CATSPERG: variants seen among roughly 807,000 people sequenced by gnomAD.
The protein encoded by CATSPERG is catsper channel auxiliary subunit gamma.
In CATSPERG, 115 loss-of-function variants were observed where a neutral mutation model predicts 145.0. That is an observed-to-expected ratio of 0.79 (90% CI 0.68 to 0.93). The LOEUF (loss-of-function observed/expected upper bound fraction) is 0.93, where lower values mean the gene tolerates loss of function less well. Ranked by LOEUF, CATSPERG falls within the 40% of genes least tolerant of loss-of-function variation. The probability of loss-of-function intolerance (pLI) is 0.00; values close to 1 mark genes in which losing one functional copy is unlikely to be tolerated. For missense variants in CATSPERG, 1,296 were observed against 1,490.1 expected (o/e 0.87, Z 2.14); for synonymous variants, 588 against 589.0 (o/e 1.00, Z 0.02).
rs1270341841 is a variant in CATSPERG, at chr19:38,360,489, A to C, written c.1609A>C (p.Ile537Leu). 1.9e-6 allele frequency: 3 copies of C among 1,614,008 alleles called. No homozygotes were observed. The highest frequency in any genetic ancestry group is 2.2e-5 in the South Asian group (2 of 91,084). The change falls in exon 15 of 29, where the codon ATC becomes CTC. Residue 537 changes from isoleucine to leucine, a missense_variant and splice_region_variant. By Grantham distance (5) the Ile-to-Leu change is conservative. Transcript: ENST00000409235. ...ACACATCCGGCTGTCATACCCGCAG[A>C]TCTGGTACCTCCTGGAGGGCAGCTA... ...AVAIVTETEE[I>L]WYLLEGSYRV...
chr19:38,352,507 C>T (rs1476846655), intron 8 of CATSPERG, 75 bp downstream of exon 8: 4 of 1,339,016 alleles, frequency 3.0e-6, no homozygotes, highest in Admixed American at 2.1e-5. Flanking sequence ...TGGCTGGGGG[C>T]TGGAATTGCT....
In CATSPERG at chr19:38,361,663, C is replaced by T. The variant is rs773329330; in HGVS notation, c.1896C>T (p.Leu632=). 6.8e-6 allele frequency: 11 copies of T among 1,610,870 alleles called. No homozygotes were observed. The highest frequency in any genetic ancestry group is 9.3e-6 in the Non-Finnish European group (11 of 1,179,832). ...DLERKGGYLM[L]SFIDFCPFSV... is the part of the protein sequence containing the mutation. The stretch of plus-strand genomic sequence containing the variant: ...CACTGCCCAGGGGCTACTTGATGCT[C>T]TCCTTCATCGACTTCTGCCCCTTCT... Residue 632 remains leucine (L), a synonymous_variant, in exon 17 of 29, where the codon CTC becomes CTT. Coordinates refer to ENST00000409235, the MANE Select transcript of CATSPERG (RefSeq NM_021185.5).
Position 38,364,929 on chromosome 19 carries a change from C to T in CATSPERG, c.2514C>T (p.Gly838=), listed in dbSNP as rs1296932377. 1 of 1,614,002 alleles carries T rather than the reference C, an allele frequency of 6.2e-7. No individual in the cohort carries two copies. Among genetic ancestry groups the T allele is most frequent in the African/African-American group, 1.3e-5 (1 of 74,930 alleles). ...LKDKKLCYDQ[G]ISGHHLMETS... ...ATAAAAAGCTTTGCTATGACCAAGG[C>T]ATTAGTGGACATCACCTTATGGAGA... The change falls in exon 21 of 29, where the codon GGC becomes GGT. Residue 838 remains glycine, a synonymous_variant. Transcript: ENST00000409235.
chr19:38,367,439 C>A (rs886754493), intron 23 of CATSPERG, 70 bp from the exon 24 acceptor site: 36 of 1,567,748 alleles, frequency 2.3e-5, no homozygotes, highest in Non-Finnish European at 3.1e-5. Context: ...CACTTTCCCC[C>A]GTCTCGGTCC....
intron 9 of CATSPERG, among the ~76,000 whole-genome samples, chr19:38,355,944 C>A (rs917806231): frequency 6.6e-6 from 1 of 152,066 alleles, no homozygotes; most frequent in African/African-American, 2.4e-5. Flanking sequence ...TCTCTGATCT[C>A]GTTTTCTTCA....
intron 14 of CATSPERG, chr19:38,360,007 A>G: frequency 9.6e-7 from 1 of 1,036,510 alleles, no homozygotes; most frequent in Middle Eastern, 4.9e-4. Flanking sequence ...GGAGGGGGAC[A>G]TCTTGGAGGC....
At chr19:38,362,641 G>A (rs1361922358) in intron 19 of CATSPERG, 67 bp downstream of exon 19, 3 of 1,606,624 alleles carry the variant, frequency 1.9e-6, no homozygotes, top group African/African-American at 1.3e-5. Flanking sequence ...GGAGCCTGGG[G>A]GGCGGGGACA....
intron 3 of CATSPERG, among the ~76,000 whole-genome samples, chr19:38,342,818 C>A (rs1014416366): frequency 5.9e-5 from 9 of 152,014 alleles, no homozygotes; most frequent in African/African-American, 2.2e-4. Context: ...AAACATCCTT[C>A]TCCTCTTCTC....
At chr19:38,360,881 T>C (rs756117418) in intron 16 of CATSPERG, 38 bp downstream of exon 16, 2 of 1,501,500 alleles carry the variant, frequency 1.3e-6, no homozygotes, top group East Asian at 4.7e-5. Context: ...GTCTGAGGGC[T>C]CCCGGCACTG....
rs778360830 is a variant in CATSPERG at position 38,370,035 on chromosome 19, A to G, written c.3084A>G (p.Glu1028=). The G allele has an allele frequency of 6.2e-7, 1 of 1,614,186 alleles. No individual in the cohort carries two copies. Among genetic ancestry groups the G allele is most frequent in the Non-Finnish European group, 8.5e-7 (1 of 1,180,042 alleles). ...TTCCCCAAGGCATCTTTGCCCCTGA[A>G]TTCTTCTTCAAGGTGTTGGTGAGCA... The part of the protein sequence containing the change: ...DNVPQGIFAP[E]FFFKVLVSNR... The change falls in exon 27 of 29, where the codon GAA becomes GAG. Residue 1028 remains glutamate (E), a synonymous_variant. Coordinates refer to ENST00000409235, the MANE Select transcript of CATSPERG (RefSeq NM_021185.5).
chr19:38,339,209 A>T (rs1046362946), intron 3 of CATSPERG, among the ~76,000 whole-genome samples: 4 of 152,128 alleles, frequency 2.6e-5, no homozygotes, highest in African/African-American at 4.8e-5. Flanking sequence ...TGCTTGAGAT[A>T]ATGGAGAGCA....
Position 38,361,881 on chromosome 19 carries a change from C to A in CATSPERG, c.2094+20C>A, listed in dbSNP as rs762766951. The A allele has an allele frequency of 9.7e-6, 15 of 1,551,730 alleles. No homozygotes were observed. In the African/African-American group the frequency reaches 2.1e-4, roughly 21 times the overall value. ...GACAAGGTGGGCGTCCGGCGGCGGG[C>A]GGGCAGGCCTGAGACGGGACTGGGG... On this transcript the variant is annotated intron_variant, in intron 17 of 28. Transcript: ENST00000409235.
chr19:38,369,255 TTTTTTA>T (rs1242419608), intron 26 of CATSPERG, among the ~76,000 whole-genome samples: 3 of 152,130 alleles, frequency 2.0e-5, no homozygotes, highest in Non-Finnish European at 4.4e-5. Flanking sequence ...ACCTGCTTTA[TTTTTTA>T]TTTTTATTTA....
In CATSPERG at chr19:38,346,463, T is replaced by C; in HGVS notation, c.683T>C (p.Met228Thr). Reference protein sequence around the residue: ...FTVGEELFNLMPQYFVGVSSR... With the variant: ...FTVGEELFNLTPQYFVGVSSR... ...CCTCCTTGGCAGCTCTTCAACCTGA[T>C]GCCCCAGTACTTTGTGGGTGTCTCA... The change falls in exon 7 of 29, where the codon ATG (methionine) becomes ACG (threonine). Residue 228 changes from methionine to threonine, a missense_variant. Physicochemically the swap from Met to Thr is moderately conservative, Grantham distance 81. Transcript: ENST00000409235. 1 of 1,541,076 alleles carries C rather than the reference T, an allele frequency of 6.5e-7. No homozygotes were observed. The highest frequency in any genetic ancestry group is 8.8e-7 in the Non-Finnish European group (1 of 1,138,616).
At chr19:38,370,113 T>C (rs753778120) in intron 27 of CATSPERG, 46 bp from the exon 28 acceptor site, 4 of 1,613,518 alleles carry the variant, frequency 2.5e-6, no homozygotes, top group Non-Finnish European at 3.4e-6. Flanking sequence ...GCCCATGGAA[T>C]GCCTGGCTTC....
Position 38,344,665 on chromosome 19 carries a change from A to G in CATSPERG, c.669+297A>G, listed in dbSNP as rs936408195. Among the ~76,000 whole-genome samples the G allele has an allele frequency of 2.7e-5, 4 of 148,700 alleles. No individual in the cohort carries two copies. The Admixed American group carries it at 2.7e-4, about 10-fold the overall frequency. ...CTCCTATACACACCTGTACATCCAT[A>G]CCTGTACATACATATATAGTACATA... On this transcript the variant is annotated intron_variant, in intron 6 of 28. Coordinates refer to ENST00000409235, the MANE Select transcript of CATSPERG (RefSeq NM_021185.5).
intron 3 of CATSPERG, among the ~76,000 whole-genome samples, chr19:38,341,770 C>T (rs141150988): frequency 0.011 from 1,689 of 152,132 alleles, 15 homozygotes; most frequent in Middle Eastern, 0.02. Flanking sequence ...GGCGTGGTGG[C>T]GCATGCCTGT....
At position 38,344,035 on chromosome 19, in the gene CATSPERG, C is replaced by T. The variant is rs1180182546; in HGVS notation, c.512C>T (p.Thr171Met). Reference sequence around the variant, plus strand: ...GAAGTGTGTAGCATGAGCTGGTACACGCCCATGCCCATCAAGAAAGGCAGT... The same window carrying T: ...GAAGTGTGTAGCATGAGCTGGTACATGCCCATGCCCATCAAGAAAGGCAGT... ...AEEVCSMSWY[T>M]PMPIKKGSVV... The change falls in exon 5 of 29, where the codon ACG (threonine) becomes ATG (methionine). Residue 171 changes from threonine (T) to methionine (M), a missense_variant. By Grantham distance (81) the Thr-to-Met change is moderately conservative (BLOSUM62 -1). Coordinates refer to ENST00000409235, the MANE Select transcript of CATSPERG (RefSeq NM_021185.5). 1.1e-5 allele frequency: 17 copies of T among 1,551,162 alleles called. No individual in the cohort carries two copies. Among genetic ancestry groups the T allele is most frequent in the African/African-American group, 4.1e-5 (3 of 73,012 alleles).
At chr19:38,362,339 C>G (rs755084964) in intron 18 of CATSPERG, 37 bp from the exon 19 acceptor site, 1 of 1,613,724 alleles carries the variant, frequency 6.2e-7, no homozygotes, top group Non-Finnish European at 8.5e-7. Flanking sequence ...TGCCCCACCC[C>G]CGGCGCTGAC....
Sources: gnomAD v4.1 joint callset for allele counts (sites outside exome capture counted in the v4.1 genomes callset) on GRCh38, gnomAD v4.1.1 for gene constraint, MANE v1.5 for transcripts, NCBI Gene and HGNC (gene_info 2026-07-23, HGNC 2026-07-21) for gene names.